The following GATAD2A variants were observed in gnomAD, a reference collection of about 807,000 sequenced individuals.
The protein encoded by GATAD2A is GATA zinc finger domain containing 2A, also known as transcriptional repressor p66-alpha.
Under a neutral mutation model 68.5 loss-of-function variants are expected in GATAD2A, and 12 were observed. That is an observed-to-expected ratio of 0.18 (90% CI 0.11 to 0.28). GATAD2A has a LOEUF of 0.28. Ranked by LOEUF, GATAD2A falls within the 10% of genes least tolerant of loss-of-function variation. The pLI is 1.00. For missense variants in GATAD2A, 755 were observed against 868.5 expected, an observed-to-expected ratio of 0.87 and a Z score of 1.64; for synonymous variants, 410 against 375.3, an observed-to-expected ratio of 1.09 and a Z score of -1.07.
intron 1 of GATAD2A, among the ~76,000 whole-genome samples, chr19:19,448,408 C>T (rs2055990347): frequency 6.6e-6 from 1 of 152,260 alleles, no homozygotes; most frequent in Admixed American, 6.5e-5. Flanking sequence ...GTGTTGGGCA[C>T]TGAACAGTTC....
intron 1 of GATAD2A, among the ~76,000 whole-genome samples, chr19:19,393,892 C>CTT (rs552324397): frequency 5.0e-4 from 71 of 143,258 alleles, no homozygotes; most frequent in African/African-American, 1.8e-3. Flanking sequence ...GCCTTTGTTT[C>CTT]TTTTTTTTTT....
At chr19:19,408,535 G>A (rs2147076228) in intron 1 of GATAD2A, among the ~76,000 whole-genome samples, 1 of 151,882 alleles carries the variant, frequency 6.6e-6, no homozygotes, top group East Asian at 1.9e-4. Flanking sequence ...TTGCGTGTGT[G>A]TGTATGTTTT....
intron 2 of GATAD2A, among the ~76,000 whole-genome samples, chr19:19,478,336 T>TA (rs1466922170): frequency 1.1e-4 from 16 of 152,128 alleles, no homozygotes; most frequent in African/African-American, 1.2e-4. Flanking sequence ...CGCAGTGGCT[T>TA]ACGCCTGTAA....
At chr19:19,393,766 A>G (rs967280903) in intron 1 of GATAD2A, among the ~76,000 whole-genome samples, 1 of 152,154 alleles carries the variant, frequency 6.6e-6, no homozygotes. Context: ...GGAGACAGAA[A>G]TTATGGCATT....
chr19:19,420,005 C>CTTTTTTTTTTT (rs397859927), intron 1 of GATAD2A, among the ~76,000 whole-genome samples: 2 of 68,712 alleles, frequency 2.9e-5, no homozygotes, highest in African/African-American at 1.5e-4. Flanking sequence ...ACCATCTTGA[C>CTTTTTTTTTTT]TTTTTTTTTT....
At chr19:19,445,912 C>T (rs1481532453) in intron 1 of GATAD2A, among the ~76,000 whole-genome samples, 3 of 152,056 alleles carry the variant, frequency 2.0e-5, no homozygotes, top group Admixed American at 6.6e-5. Flanking sequence ...TACCTATATT[C>T]AGCTCTCTTG....
rs1035501387 is a variant in GATAD2A, at chr19:19,457,156, A to T, written c.-6-8184A>T. 2.8e-5 allele frequency: 28 copies of T among 984,944 alleles called. No individual in the cohort carries two copies. The African/African-American group carries it at 4.4e-4, about 15-fold the overall frequency. The allele number at this position is 984,944 out of a possible 1,614,324, so 61.0% of individuals were successfully genotyped here. On this transcript the variant is annotated intron_variant, in intron 1 of 11. Coordinates refer to ENST00000683918, the MANE Select transcript of GATAD2A (RefSeq NM_001384528.1). Reference sequence around the variant, plus strand: ...GCAGCACACCTGCTCTGTGACTGACACTCTTGCAGAAGTGGGGCCACTTCA... The same window carrying T: ...GCAGCACACCTGCTCTGTGACTGACTCTCTTGCAGAAGTGGGGCCACTTCA...
At chr19:19,501,053 G>A in intron 8 of GATAD2A, 65 bp from the exon 9 acceptor site, 1 of 1,429,878 alleles carries the variant, frequency 7.0e-7, no homozygotes, top group Non-Finnish European at 9.6e-7. Flanking sequence ...CCTGGGCTGG[G>A]GGCGGCCAGG....
At chr19:19,484,428 G>A (rs1212188364) in intron 2 of GATAD2A, among the ~76,000 whole-genome samples, 1 of 151,060 alleles carries the variant, frequency 6.6e-6, no homozygotes, top group African/African-American at 2.4e-5. Context: ...GTGAGACCCT[G>A]TCTCTAAAAA....
At chr19:19,479,936 C>T (rs1209376628) in intron 2 of GATAD2A, among the ~76,000 whole-genome samples, 1 of 144,410 alleles carries the variant, frequency 6.9e-6, no homozygotes, top group Non-Finnish European at 1.5e-5. Flanking sequence ...CTCCCAGGTT[C>T]TAGTGATTCT....
chr19:19,452,231 G>A (rs1269209301), intron 1 of GATAD2A, among the ~76,000 whole-genome samples: 3 of 152,110 alleles, frequency 2.0e-5, no homozygotes, highest in East Asian at 1.9e-4. Flanking sequence ...CTTCATGGGC[G>A]CCATGTGTTC....
chr19:19,420,629 C>G (rs1005355087), intron 1 of GATAD2A, among the ~76,000 whole-genome samples: 3 of 151,832 alleles, frequency 2.0e-5, no homozygotes, highest in Admixed American at 2.0e-4. Context: ...TGTGAGCCAC[C>G]GCGACCAGCC....
At chr19:19,444,462 C>T (rs901017714) in intron 1 of GATAD2A, among the ~76,000 whole-genome samples, 1 of 152,152 alleles carries the variant, frequency 6.6e-6, no homozygotes, top group African/African-American at 2.4e-5. Context: ...GGAGGCCTAT[C>T]GTTGTTGGCA....
chr19:19,465,274 G>T (rs2057780294), intron 1 of GATAD2A, 66 bp from the exon 2 acceptor site: 1 of 1,229,458 alleles, frequency 8.1e-7, no homozygotes, highest in Non-Finnish European at 1.2e-6. Context: ...ACACTGAAAA[G>T]TCTCCAAGAA....
chr19:19,415,618 A>ATT (rs71170682), intron 1 of GATAD2A, among the ~76,000 whole-genome samples: 7,425 of 117,990 alleles, frequency 0.063, 679 homozygotes, highest in African/African-American at 0.19. Context: ...CCGGGCTAAT[A>ATT]TTTTTTTTTT....
intron 1 of GATAD2A, among the ~76,000 whole-genome samples, chr19:19,451,540 G>A (rs12972397): frequency 0.19 from 29,271 of 152,208 alleles, 3,038 homozygotes; most frequent in South Asian, 0.35. Context: ...GAACCAACAC[G>A]CAAGGTTGCA....
chr19:19,480,745 C>T (rs1165950330), intron 2 of GATAD2A, among the ~76,000 whole-genome samples: 1 of 152,248 alleles, frequency 6.6e-6, no homozygotes, highest in Non-Finnish European at 1.5e-5. Flanking sequence ...ACCCAGCCCC[C>T]TCAGTGGTCC....
intron 1 of GATAD2A, among the ~76,000 whole-genome samples, chr19:19,388,055 CT>C (rs1470100568): frequency 7.5e-6 from 1 of 133,218 alleles, no homozygotes; most frequent in East Asian, 2.2e-4. Context: ...CAAGCTTCTC[CT>C]CCTTTTTTTT....
At position 19,501,430 on chromosome 19, in the gene GATAD2A, G is replaced by C. The variant is rs1476444808; in HGVS notation, c.1503+14G>C. ...GTGCTGAAGCAGGTGAGCCTGGCCT[G>C]CTGCCGGCAGTGCCGTCCCTAGGAG... On this transcript the variant is annotated intron_variant, in intron 9 of 11. Coordinates refer to ENST00000683918, the MANE Select transcript of GATAD2A (RefSeq NM_001384528.1). 3.2e-6 allele frequency: 5 copies of C among 1,566,946 alleles called. No individual in the cohort carries two copies. In the African/African-American group the frequency reaches 6.8e-5, roughly 21 times the overall value.
Sources: gnomAD v4.1 joint callset for allele counts (sites outside exome capture counted in the v4.1 genomes callset) on GRCh38, gnomAD v4.1.1 for gene constraint, MANE v1.5 for transcripts, NCBI Gene and HGNC (gene_info 2026-07-23, HGNC 2026-07-21) for gene names.